The following BLVRA variants were observed in gnomAD, a reference collection of about 807,000 sequenced individuals.
BLVRA encodes the protein BVR A.
BLVRA carries 22 observed loss-of-function variants against 32.8 expected under a neutral mutation model. The observed-to-expected ratio is 0.67, with a 90% CI of 0.48 to 0.96. The LOEUF (loss-of-function observed/expected upper bound fraction) is 0.96. Among genes scored for constraint, BLVRA ranks in the 40% least tolerant of loss-of-function variants. The probability of loss-of-function intolerance (pLI) is 0.00; values close to 1 mark genes in which losing one functional copy is unlikely to be tolerated. For synonymous variants in BLVRA, 119 were observed against 141.3 expected (o/e 0.84, Z 1.12); for missense variants, 323 against 358.1 (o/e 0.90, Z 0.79).
intron 5 of BLVRA, among the ~76,000 whole-genome samples, chr7:43,797,769 G>C (rs2095794367): frequency 1.3e-5 from 2 of 152,024 alleles, no homozygotes; most frequent in Admixed American, 1.3e-4. Flanking sequence ...CCTTCATTCT[G>C]GACAGTTCCT....
intron 2 of BLVRA, among the ~76,000 whole-genome samples, chr7:43,783,461 C>G (rs1336091278): frequency 6.6e-6 from 1 of 152,194 alleles, no homozygotes; most frequent in Non-Finnish European, 1.5e-5. Context: ...CAGTCCCTTT[C>G]AATATATAAA....
intron 3 of BLVRA, among the ~76,000 whole-genome samples, chr7:43,788,350 G>A (rs776926190): frequency 2.6e-5 from 4 of 152,170 alleles, no homozygotes; most frequent in East Asian, 1.9e-4. Context: ...GGTGTGCACC[G>A]GGGAATCCTG....
rs111865630 is a variant in BLVRA, at chr7:43,765,526, A to G, written c.-21-5612A>G. Among the ~76,000 whole-genome samples the G allele has an allele frequency of 1.8e-3, 277 of 152,326 alleles. 1 individual carries two copies. Among genetic ancestry groups the G allele is most frequent in the African/African-American group, 6.1e-3 (254 of 41,580 alleles). On this transcript the variant is annotated intron_variant, in intron 1 of 7. Transcript: ENST00000265523. ...CTCGGCCTCCCAAAGTGCTAGGATT[A>G]CAGCCGTGAGCCTCCACACCCGGCC...
At chr7:43,767,425 A>G (rs2095749435) in intron 1 of BLVRA, 1 of 1,581,050 alleles carries the variant, frequency 6.3e-7, no homozygotes, top group Admixed American at 1.7e-5. Context: ...CGGGTTATTT[A>G]TATTTCACAA....
intron 1 of BLVRA, among the ~76,000 whole-genome samples, chr7:43,761,780 A>AATTATGTTATTCAATAAT (rs1054475692): frequency 6.6e-5 from 10 of 152,314 alleles, no homozygotes; most frequent in African/African-American, 2.2e-4. Context: ...AGTTTTGAAT[A>AATTATGTTATTCAATAAT]ATTATGTTAA....
intron 1 of BLVRA, chr7:43,767,699 A>T (rs933938550): frequency 6.1e-6 from 3 of 493,216 alleles, no homozygotes; most frequent in Non-Finnish European, 7.5e-6. Flanking sequence ...AACATGTTAA[A>T]GTCAGTCTTA....
Position 43,773,180 on chromosome 7 carries a change from C to T in BLVRA, c.12+2010C>T, listed in dbSNP as rs933011139. On this transcript the variant is annotated intron_variant, in intron 2 of 7. Transcript: ENST00000265523. Reference sequence around the variant, plus strand: ...TACTTTAAGTTTTAGGGTACATGTGCATAATGTGCAGGTTAGTTACATATG... The same window carrying T: ...TACTTTAAGTTTTAGGGTACATGTGTATAATGTGCAGGTTAGTTACATATG... 2.6e-5 allele frequency among the ~76,000 whole-genome samples: 4 copies of T among 152,084 alleles called. No homozygotes were observed. In the East Asian group the frequency reaches 7.7e-4, roughly 29 times the overall value.
chr7:43,777,834 G>A (rs1164004876), intron 2 of BLVRA, among the ~76,000 whole-genome samples: 1 of 152,166 alleles, frequency 6.6e-6, no homozygotes, highest in Non-Finnish European at 1.5e-5. Context: ...TGGAGACTTT[G>A]TTCATTTCTT....
At chr7:43,802,912 A>ATTTTTTTTTTAC (rs35792323) in intron 6 of BLVRA, among the ~76,000 whole-genome samples, 3 of 150,816 alleles carry the variant, frequency 2.0e-5, no homozygotes, top group Non-Finnish European at 4.4e-5. Context: ...TAATTTTTGT[A>ATTTTTTTTTTAC]TTTTTTTTTA....
rs1224063325 is a variant in BLVRA, at chr7:43,792,791, T to C, written c.331T>C (p.Trp111Arg). 1 of 1,614,180 alleles carries C rather than the reference T, an allele frequency of 6.2e-7. No individual in the cohort carries two copies. Among genetic ancestry groups the C allele is most frequent in the African/African-American group, 1.3e-5 (1 of 75,064 alleles). ...GTCATTGGCGGCCGCTCAGGAACTGTGGGAGCTGGCTGAGCAGAAAGGTAA... is the reference window on the plus strand; with the variant it reads ...GTCATTGGCGGCCGCTCAGGAACTGCGGGAGCTGGCTGAGCAGAAAGGTAA... ...TLSLAAAQEL[W>R]ELAEQKGKVL... The change falls in exon 5 of 8, where the codon TGG (tryptophan) becomes CGG (arginine). Residue 111 changes from tryptophan to arginine, a missense_variant. Physicochemically the swap from Trp to Arg is moderately radical, Grantham distance 101 (BLOSUM62 -3). Transcript: ENST00000265523.
At chr7:43,791,766 C>A in intron 4 of BLVRA, 1 of 211,144 alleles carries the variant, frequency 4.7e-6, no homozygotes, top group Non-Finnish European at 9.8e-6. Context: ...CAGCTTCCAA[C>A]GTTTTCTCCT....
intron 2 of BLVRA, among the ~76,000 whole-genome samples, chr7:43,777,496 T>C (rs1342212014): frequency 2.6e-5 from 4 of 152,306 alleles, no homozygotes; most frequent in African/African-American, 9.6e-5. Context: ...CTTGTAGAGT[T>C]TCTGCCGAGA....
chr7:43,793,335 G>A (rs2095788283), intron 5 of BLVRA, among the ~76,000 whole-genome samples: 1 of 151,816 alleles, frequency 6.6e-6, no homozygotes, highest in Admixed American at 6.5e-5. Flanking sequence ...TCTAGATGCT[G>A]TATAGAAAAA....
At position 43,803,805 on chromosome 7, in the gene BLVRA, A is replaced by G; in HGVS notation, c.590A>G (p.Gln197Arg). 2 of 1,614,200 alleles carry G rather than the reference A, an allele frequency of 1.2e-6. No homozygotes were observed. The highest frequency in any genetic ancestry group is 1.7e-6 in the Non-Finnish European group (2 of 1,180,014). ...ACTTTGGAAGAGCGAAAGGAAGATC[A>G]GTATATGAAAATGACAGTGTGTCTG... ...SATLEERKED[Q>R]YMKMTVCLET... The change falls in exon 7 of 8, where the codon CAG (glutamine) becomes CGG (arginine). Residue 197 changes from glutamine (Q) to arginine (R), a missense_variant. Gln to Arg is a conservative substitution (Grantham distance 43). Coordinates refer to ENST00000265523, the MANE Select transcript of BLVRA (RefSeq NM_000712.4).
intron 1 of BLVRA, among the ~76,000 whole-genome samples, chr7:43,762,376 A>G (rs539690428): frequency 2.1e-4 from 32 of 152,028 alleles, no homozygotes; most frequent in African/African-American, 7.7e-4. Context: ...GGTTAATGAA[A>G]ATCACTAATT....
chr7:43,776,396 T>C (rs1465678932), intron 2 of BLVRA, among the ~76,000 whole-genome samples: 1 of 152,258 alleles, frequency 6.6e-6, no homozygotes, highest in African/African-American at 2.4e-5. Context: ...CATTTCATTA[T>C]GTACCCAGTA....
At chr7:43,767,064 G>A (rs757316221) in intron 1 of BLVRA, among the ~76,000 whole-genome samples, 1 of 152,158 alleles carries the variant, frequency 6.6e-6, no homozygotes, top group Non-Finnish European at 1.5e-5. Flanking sequence ...GATGCCCAGT[G>A]TACGAGTTCC....
In BLVRA at chr7:43,781,478, G is replaced by A. The variant is rs562833223; in HGVS notation, c.13-6426G>A. 3.3e-5 allele frequency among the ~76,000 whole-genome samples: 5 copies of A among 152,130 alleles called. No individual in the cohort carries two copies. The East Asian group carries it at 5.8e-4, about 18-fold the overall frequency. ...CTTCAGCTGCAGCCTCCCATGTAGC[G>A]GGGATTATAGGAGTGGGCCACCACA... On this transcript the variant is annotated intron_variant, in intron 2 of 7. Transcript: ENST00000265523.
At chr7:43,771,296 C>G (rs2095754400) in intron 2 of BLVRA, 126 bp downstream of exon 2, 1 of 1,127,320 alleles carries the variant, frequency 8.9e-7, no homozygotes, top group Non-Finnish European at 1.3e-6. Flanking sequence ...CCCCTCTAGC[C>G]TACTGAAGTG....
Sources: gnomAD v4.1 joint callset for allele counts (sites outside exome capture counted in the v4.1 genomes callset) on GRCh38, gnomAD v4.1.1 for gene constraint, MANE v1.5 for transcripts, NCBI Gene and HGNC (gene_info 2026-07-23, HGNC 2026-07-21) for gene names.